The following PMFBP1 variants were observed in gnomAD, a reference collection of about 807,000 sequenced individuals.
PMFBP1 encodes the protein polyamine modulated factor 1 binding protein 1.
Under a neutral mutation model 137.8 loss-of-function variants are expected in PMFBP1, and 131 were observed. That is an observed-to-expected ratio of 0.95 (90% CI 0.82 to 1.10). The LOEUF is 1.10. PMFBP1 is among the 50% of genes least tolerant of loss of function. The pLI is 0.00. For synonymous variants in PMFBP1, 490 were observed against 450.4 expected (o/e 1.09, Z -1.11); for missense variants, 1,199 against 1,175.4 (o/e 1.02, Z -0.29).
At chr16:72,230,076 C>T in the PMFBP1 span, among the ~76,000 whole-genome samples, 2 of 152,154 alleles carry the variant, frequency 1.3e-5, no homozygotes, top group East Asian at 3.8e-4. Context: ...CTTAGGGGAG[C>T]ATGTGATGAT....
Position 72,150,706 on chromosome 16 carries a change from G to A in PMFBP1, c.538C>T (p.Leu180Phe). Residue 180 changes from leucine (L) to phenylalanine (F), a missense_variant, in exon 5 of 21, where the codon CTC (leucine) becomes TTC (phenylalanine). Transcript: ENST00000237353. ...KIASLERSLN[L>F]YRDKYQSSLS... ...GAAGACTGGTATTTATCCCTGTAGA[G>A]GTTTAAGCTCCTCTCTAGAGAGGCG... 1 of 1,614,168 alleles carries A rather than the reference G, an allele frequency of 6.2e-7. No homozygotes were observed. The highest frequency in any genetic ancestry group is 1.1e-5 in the South Asian group (1 of 91,076).
chr16:72,133,850 G>A (rs1473418972), intron 9 of PMFBP1, among the ~76,000 whole-genome samples: 1 of 152,206 alleles, frequency 6.6e-6, no homozygotes, highest in African/African-American at 2.4e-5. Flanking sequence ...AGAGTGGTGA[G>A]AAGTAATGCA....
intron 5 of PMFBP1, among the ~76,000 whole-genome samples, chr16:72,147,981 G>C (rs973715189): frequency 6.6e-6 from 1 of 152,132 alleles, no homozygotes; most frequent in Non-Finnish European, 1.5e-5. Flanking sequence ...CAAGGATCTA[G>C]AACTAGAAAT....
In PMFBP1 at chr16:72,129,189, A is replaced by G. The variant is rs574254228; in HGVS notation, c.1827T>C (p.Leu609=). 6.8e-6 allele frequency: 11 copies of G among 1,613,962 alleles called. No homozygotes were observed. The South Asian group carries it at 8.8e-5, about 13-fold the overall frequency. ...GSIKCKLEED[L]QEATKLLEDK... ...CCTCCAGAAGCTTTGTGGCCTCCTGAAGATCTTCTTCTAACTTGCATTTGA... is the reference window on the plus strand; with the variant it reads ...CCTCCAGAAGCTTTGTGGCCTCCTGGAGATCTTCTTCTAACTTGCATTTGA... Residue 609 remains leucine (L), a synonymous_variant, in exon 13 of 21, where the codon CTT becomes CTC. Coordinates refer to ENST00000237353, the MANE Select transcript of PMFBP1 (RefSeq NM_031293.3).
At chr16:72,244,513 G>T in the PMFBP1 span, among the ~76,000 whole-genome samples, 1 of 152,154 alleles carries the variant, frequency 6.6e-6, no homozygotes, top group Non-Finnish European at 1.5e-5. Context: ...GTTCTACTGG[G>T]TCCTTGAAGA....
the PMFBP1 span, among the ~76,000 whole-genome samples, chr16:72,221,928 G>C: frequency 6.6e-6 from 1 of 152,194 alleles, no homozygotes; most frequent in African/African-American, 2.4e-5. Flanking sequence ...CCTCTTCCCT[G>C]TATCTCTCAC....
chr16:72,244,939 C>T, the PMFBP1 span, among the ~76,000 whole-genome samples: 3 of 152,266 alleles, frequency 2.0e-5, no homozygotes, highest in South Asian at 2.1e-4. Flanking sequence ...GGCCCCGCTG[C>T]GTGATGCTCT....
At chr16:72,236,195 A>G in the PMFBP1 span, among the ~76,000 whole-genome samples, 5 of 152,116 alleles carry the variant, frequency 3.3e-5, no homozygotes, top group South Asian at 1.0e-3. Flanking sequence ...TGTTTTTATC[A>G]TGAATGGGTA....
rs35370634 is a variant in PMFBP1 at position 72,150,667 on chromosome 16, C to A, written c.577G>T (p.Glu193Ter). 1 of 1,613,744 alleles carries A rather than the reference C, an allele frequency of 6.2e-7. No individual in the cohort carries two copies. Among genetic ancestry groups the A allele is most frequent in the African/African-American group, 1.3e-5 (1 of 74,898 alleles). Residue 193 changes from glutamate (E) to a stop codon, truncating the protein, a stop_gained, in exon 5 of 21, where the codon GAG becomes TAG. Transcript: ENST00000237353. LOFTEE classifies it high-confidence loss of function. Reference sequence around the variant, plus strand: ...ATCTTCACTTGGCATTCTAGTAACTCGATGTTGCTCAGGGAAGACTGGTAT... The same window carrying A: ...ATCTTCACTTGGCATTCTAGTAACTAGATGTTGCTCAGGGAAGACTGGTAT... ...DKYQSSLSNI[E>*]LLECQVKMLQ... is the part of the protein sequence containing the mutation.
chr16:72,161,395 G>A lies in PMFBP1; in HGVS notation c.165+3369C>T, dbSNP rs575958977. Among the ~76,000 whole-genome samples the A allele has an allele frequency of 7.9e-5, 12 of 152,096 alleles. No individual in the cohort carries two copies. The South Asian group carries it at 2.3e-3, about 29-fold the overall frequency. On this transcript the variant is annotated intron_variant, in intron 3 of 20. Coordinates refer to ENST00000237353, the MANE Select transcript of PMFBP1 (RefSeq NM_031293.3). Reference sequence around the variant, plus strand: ...TTATAGGCTTGAGCCACCGCGCCCGGCCTTATCTGTTATTTCTTATGTCTT... The same window carrying A: ...TTATAGGCTTGAGCCACCGCGCCCGACCTTATCTGTTATTTCTTATGTCTT...
chr16:72,239,324 G>C, the PMFBP1 span, among the ~76,000 whole-genome samples: 1 of 152,230 alleles, frequency 6.6e-6, no homozygotes, highest in South Asian at 2.1e-4. Context: ...TTGTTCTTTT[G>C]TAACCCTTCC....
the PMFBP1 span, among the ~76,000 whole-genome samples, chr16:72,231,269 C>A: frequency 3.1e-4 from 47 of 152,222 alleles, no homozygotes; most frequent in Non-Finnish European, 2.2e-4. Context: ...AAAGTCACAA[C>A]CAACAGTAAC....
intron 19 of PMFBP1, among the ~76,000 whole-genome samples, chr16:72,121,286 T>A (rs1234619178): frequency 6.6e-6 from 1 of 152,124 alleles, no homozygotes; most frequent in Non-Finnish European, 1.5e-5. Flanking sequence ...CAGTAGCCCC[T>A]CACTCCCAGT....
intron 4 of PMFBP1, among the ~76,000 whole-genome samples, chr16:72,153,289 C>A (rs539497517): frequency 3.9e-4 from 60 of 152,156 alleles, no homozygotes; most frequent in Non-Finnish European, 8.4e-4. Context: ...CACTAGGTGA[C>A]AATATTCCCT....
At chr16:72,179,968 G>A (rs2043270804), upstream of PMFBP1, among the ~76,000 whole-genome samples, 2 of 152,154 alleles carry the variant, frequency 1.3e-5, no homozygotes, top group South Asian at 4.1e-4. Context: ...TGTTCGAGGG[G>A]TGGGGAGCTT....
chr16:72,243,040 T>C, the PMFBP1 span, among the ~76,000 whole-genome samples: 1 of 151,972 alleles, frequency 6.6e-6, no homozygotes, highest in Admixed American at 6.5e-5. Flanking sequence ...AAATGGGAGG[T>C]TGGTGCCTGA....
the PMFBP1 span, among the ~76,000 whole-genome samples, chr16:72,206,443 A>C: frequency 6.6e-6 from 1 of 152,228 alleles, no homozygotes; most frequent in African/African-American, 2.4e-5. Context: ...TCCACAGATA[A>C]GTCACTCCTG....
chr16:72,200,709 A>C, the PMFBP1 span, among the ~76,000 whole-genome samples: 2 of 152,348 alleles, frequency 1.3e-5, no homozygotes, highest in African/African-American at 4.8e-5. Context: ...ACATTATTAC[A>C]ATTCTTACAG....
chr16:72,240,871 T>A, the PMFBP1 span, among the ~76,000 whole-genome samples: 1,215 of 152,234 alleles, frequency 8.0e-3, 23 homozygotes, highest in African/African-American at 0.028. Context: ...AACTCTGTTA[T>A]CTTTCCTTAT....
Sources: allele counts gnomAD v4.1 joint callset (sites outside exome capture counted in the v4.1 genomes callset), GRCh38; gene constraint gnomAD v4.1.1; transcripts MANE v1.5; gene names NCBI Gene and HGNC (gene_info 2026-07-23, HGNC 2026-07-21).